The following CTNNA2 variants were observed in gnomAD, a reference collection of about 807,000 sequenced individuals.
CTNNA2 encodes the protein catenin alpha-2.
CTNNA2 carries 42 observed loss-of-function variants against 101.0 expected under a neutral mutation model. The ratio of observed to expected loss-of-function variants is 0.42; its 90% CI spans 0.32 to 0.54. The LOEUF is 0.54. Ranked by LOEUF, CTNNA2 falls within the 20% of genes least tolerant of loss-of-function variation. The pLI is 0.14. For synonymous variants in CTNNA2, 450 were observed against 456.4 expected (o/e 0.99, Z 0.18); for missense variants, 871 against 1,223.1 (o/e 0.71, Z 4.29).
rs566192406 is a variant in CTNNA2 at position 80,569,540 on chromosome 2, C to T, written c.1742-4623C>T. On this transcript the variant is annotated intron_variant, in intron 12 of 18. Transcript: ENST00000402739. ...TGTGTGCATCACAAAGGCAATGCTG[C>T]GTTTTGTCCTAATTAGTGAGAGGCA... is the stretch of plus-strand genomic sequence containing the variant. Among the ~76,000 whole-genome samples, 35 of 149,844 alleles carry T rather than the reference C, an allele frequency of 2.3e-4. No individual in the cohort carries two copies. The South Asian group carries it at 2.7e-3, about 12-fold the overall frequency.
chr2:79,521,478 A>G (rs1019121318), intron 1 of CTNNA2, among the ~76,000 whole-genome samples: 12 of 151,998 alleles, frequency 7.9e-5, no homozygotes, highest in Non-Finnish European at 7.4e-5. Context: ...ACTGAATCAC[A>G]TGGACATTCC....
chr2:80,572,354 G>A (rs1270474163), intron 12 of CTNNA2, among the ~76,000 whole-genome samples: 1 of 152,078 alleles, frequency 6.6e-6, no homozygotes, highest in Admixed American at 6.5e-5. Context: ...TGATTTGTGG[G>A]ATTAGTCTAT....
chr2:79,228,694 C>T (rs1047225131), intron 2 of CTNNA2, among the ~76,000 whole-genome samples: 3 of 150,196 alleles, frequency 2.0e-5, no homozygotes, highest in Non-Finnish European at 3.0e-5. Context: ...TCCCATTCTG[C>T]AGGCTGTCTG....
chr2:80,632,458 T>G (rs1408470153), intron 18 of CTNNA2, among the ~76,000 whole-genome samples: 1 of 152,162 alleles, frequency 6.6e-6, no homozygotes, highest in Non-Finnish European at 1.5e-5. Context: ...TTTCTTTGTC[T>G]TTTTGTGCTG....
At chr2:80,243,248 TC>T (rs754063894) in intron 7 of CTNNA2, among the ~76,000 whole-genome samples, 81 of 152,348 alleles carry the variant, frequency 5.3e-4, no homozygotes, top group African/African-American at 1.8e-3. Context: ...GTTTTTCACA[TC>T]TTTTGTAAAA....
chr2:80,116,830 G>T (rs562826427), intron 7 of CTNNA2, among the ~76,000 whole-genome samples: 1 of 151,924 alleles, frequency 6.6e-6, no homozygotes, highest in Non-Finnish European at 1.5e-5. Context: ...GAGACAAGGT[G>T]TGTAGATACA....
At position 79,602,955 on chromosome 2, in the gene CTNNA2, G is replaced by T. The variant is rs139560691; in HGVS notation, c.-5-48597G>T. Among the ~76,000 whole-genome samples, 5 of 152,198 alleles carry T rather than the reference G, an allele frequency of 3.3e-5. No homozygotes were observed. The South Asian group carries it at 1.0e-3, about 32-fold the overall frequency. On this transcript the variant is annotated intron_variant, in intron 1 of 18. Transcript: ENST00000402739. ...GATTTTTCATAGACTGTGGTAAGAC[G>T]AATCTGAAGTTCACATATTAGTCAA...
intron 3 of CTNNA2, among the ~76,000 whole-genome samples, chr2:79,359,688 T>C (rs1337074614): frequency 6.6e-6 from 1 of 152,156 alleles, no homozygotes; most frequent in Admixed American, 6.6e-5. Flanking sequence ...CCCAAATGCC[T>C]CACTTTCAGA....
At chr2:79,894,134 G>A (rs751793517) in intron 6 of CTNNA2, among the ~76,000 whole-genome samples, 74 of 145,646 alleles carry the variant, frequency 5.1e-4, no homozygotes, top group Non-Finnish European at 9.4e-4. Context: ...AAGGAACTAC[G>A]TTTGGTAATA....
intron 1 of CTNNA2, among the ~76,000 whole-genome samples, chr2:79,543,153 G>A (rs949678486): frequency 3.9e-5 from 6 of 152,210 alleles, no homozygotes; most frequent in African/African-American, 1.4e-4. Flanking sequence ...TACGACATTA[G>A]ATCTTTGATA....
At chr2:79,342,857 C>G (rs1677168729) in intron 3 of CTNNA2, among the ~76,000 whole-genome samples, 1 of 152,162 alleles carries the variant, frequency 6.6e-6, no homozygotes, top group South Asian at 2.1e-4. Context: ...GGGCTGACTT[C>G]ACTGCATCAT....
chr2:79,710,063 C>G (rs182502421), intron 2 of CTNNA2, among the ~76,000 whole-genome samples: 2 of 152,072 alleles, frequency 1.3e-5, no homozygotes, highest in African/African-American at 4.8e-5. Context: ...ATACTTGTCC[C>G]TCTTGAATTC....
chr2:79,836,907 T>C (rs1300945548), intron 3 of CTNNA2, among the ~76,000 whole-genome samples: 1 of 152,170 alleles, frequency 6.6e-6, no homozygotes, highest in African/African-American at 2.4e-5. Flanking sequence ...CTTCTCTTCT[T>C]GTAAGGACAC....
At chr2:79,217,408 G>C (rs913605573) in intron 2 of CTNNA2, among the ~76,000 whole-genome samples, 1 of 152,140 alleles carries the variant, frequency 6.6e-6, no homozygotes, top group Non-Finnish European at 1.5e-5. Flanking sequence ...TGAAAAGAGA[G>C]TCAGTGAAGG....
intron 9 of CTNNA2, among the ~76,000 whole-genome samples, chr2:80,465,617 A>G (rs1048926508): frequency 3.9e-5 from 6 of 152,186 alleles, no homozygotes; most frequent in Non-Finnish European, 8.8e-5. Context: ...CAGCCCATCA[A>G]GAAGGCCAAT....
chr2:79,749,883 C>T (rs1428804522), intron 3 of CTNNA2, among the ~76,000 whole-genome samples: 1 of 152,092 alleles, frequency 6.6e-6, no homozygotes. Context: ...TTTATTAAAT[C>T]AATGTGTACT....
At chr2:80,293,606 T>G (rs1485118571) in intron 7 of CTNNA2, among the ~76,000 whole-genome samples, 2 of 151,908 alleles carry the variant, frequency 1.3e-5, no homozygotes, top group Non-Finnish European at 2.9e-5. Flanking sequence ...ACCCGTCTGT[T>G]TAAGTGCCTG....
At chr2:79,474,757 T>C (rs1401660754) in intron 4 of CTNNA2, among the ~76,000 whole-genome samples, 2 of 152,236 alleles carry the variant, frequency 1.3e-5, no homozygotes, top group African/African-American at 4.8e-5. Flanking sequence ...AATAGTATTT[T>C]ACACTTCCTG....
chr2:79,505,685 G>C (rs1415262815), intron 5 of CTNNA2, among the ~76,000 whole-genome samples: 2 of 152,184 alleles, frequency 1.3e-5, no homozygotes, highest in East Asian at 3.9e-4. Context: ...TTAACCTCAG[G>C]CTAAAGCATG....
Sources: allele counts gnomAD v4.1 joint callset (sites outside exome capture counted in the v4.1 genomes callset), GRCh38; gene constraint gnomAD v4.1.1; transcripts MANE v1.5; gene names NCBI Gene and HGNC (gene_info 2026-07-23, HGNC 2026-07-21).